ITGA9: variants seen among roughly 807,000 people sequenced by gnomAD.
The protein encoded by ITGA9 is integrin subunit alpha 9.
A neutral mutation model predicts 127.8 loss-of-function variants in ITGA9; 56 were observed. The observed-to-expected ratio is 0.44, with a 90% CI of 0.35 to 0.55. ITGA9 has a LOEUF of 0.55. Among genes scored for constraint, ITGA9 ranks in the 20% least tolerant of loss-of-function variants. The pLI is 0.00. For synonymous variants in ITGA9, 508 were observed against 514.5 expected (o/e 0.99, Z 0.17); for missense variants, 1,196 against 1,347.1 (o/e 0.89, Z 1.76).
intron 20 of ITGA9, 125 bp downstream of exon 20, chr3:37,737,108 T>C (rs1575214263): frequency 2.7e-6 from 2 of 754,402 alleles, no homozygotes; most frequent in East Asian, 2.6e-5. Flanking sequence ...TACTCAGTGA[T>C]AAAGCCTTGA....
intron 7 of ITGA9, among the ~76,000 whole-genome samples, chr3:37,506,625 C>G (rs139393936): frequency 6.6e-6 from 1 of 152,250 alleles, no homozygotes; most frequent in East Asian, 1.9e-4. Flanking sequence ...TAGTATCTGC[C>G]AAAAAACCCA....
intron 4 of ITGA9, among the ~76,000 whole-genome samples, chr3:37,490,976 T>TC (rs1698666221): frequency 2.5e-5 from 1 of 39,364 alleles, no homozygotes; most frequent in Non-Finnish European, 5.5e-5. Flanking sequence ...TCCCCCCCGC[T>TC]TTTTTTTTTT....
chr3:37,603,478 C>G (rs1232446778), intron 15 of ITGA9, among the ~76,000 whole-genome samples: 5 of 152,236 alleles, frequency 3.3e-5, no homozygotes, highest in Non-Finnish European at 7.4e-5. Flanking sequence ...GGTCCTGGAA[C>G]CAGTTCCCCA....
At chr3:37,683,100 C>A (rs1700748924) in intron 17 of ITGA9, among the ~76,000 whole-genome samples, 1 of 152,222 alleles carries the variant, frequency 6.6e-6, no homozygotes, top group Admixed American at 6.5e-5. Flanking sequence ...CCTGTGGGAT[C>A]TGCTGCCCCA....
At chr3:37,496,792 C>T (rs1269379149) in intron 5 of ITGA9, among the ~76,000 whole-genome samples, 5 of 152,172 alleles carry the variant, frequency 3.3e-5, no homozygotes, top group Admixed American at 6.5e-5. Flanking sequence ...TAGGACATGC[C>T]GGACTCCCAC....
intron 15 of ITGA9, among the ~76,000 whole-genome samples, chr3:37,558,460 C>T (rs1426291890): frequency 1.3e-5 from 2 of 152,134 alleles, no homozygotes; most frequent in African/African-American, 4.8e-5. Flanking sequence ...CCCTCCCACC[C>T]CTTGCTTCTC....
chr3:37,511,079 G>A (rs533934579), intron 8 of ITGA9, among the ~76,000 whole-genome samples: 45 of 152,214 alleles, frequency 3.0e-4, no homozygotes, highest in Admixed American at 7.8e-4. Flanking sequence ...AGACAGGAGG[G>A]TTCTAACTCA....
In ITGA9 at chr3:37,822,300, T is replaced by C. The variant is rs1348525831; in HGVS notation, c.*3311T>C. On this transcript the variant is annotated 3_prime_UTR_variant, in exon 28 of 28. Coordinates refer to ENST00000264741, the MANE Select transcript of ITGA9 (RefSeq NM_002207.3). ...AAAAAGGACCTTTGTAAAAATGGAG[T>C]AAAACAGTGCCCCTTTTTTAAAAAA... The C allele has an allele frequency of 6.6e-6, 1 of 150,770 alleles. No individual in the cohort carries two copies. Among genetic ancestry groups the C allele is most frequent in the African/African-American group, 2.4e-5 (1 of 41,308 alleles). The allele number at this position is 150,770 out of a possible 1,614,324, so 9.3% of individuals were successfully genotyped here. A position where few individuals can be genotyped will look rare whatever the true frequency, so the allele number is the denominator to read the frequency against.
intron 15 of ITGA9, among the ~76,000 whole-genome samples, chr3:37,603,441 T>C (rs1311917028): frequency 6.6e-6 from 1 of 152,198 alleles, no homozygotes; most frequent in African/African-American, 2.4e-5. Context: ...CAAGGACTTG[T>C]GTGTTCTTGG....
intron 27 of ITGA9, among the ~76,000 whole-genome samples, chr3:37,805,030 C>A (rs1697279556): frequency 6.6e-6 from 1 of 151,550 alleles, no homozygotes; most frequent in South Asian, 2.1e-4. Flanking sequence ...AGCATATTTT[C>A]AGGTGAAGTA....
chr3:37,789,583 C>A (rs1427558403), intron 26 of ITGA9, among the ~76,000 whole-genome samples: 1 of 148,734 alleles, frequency 6.7e-6, no homozygotes, highest in East Asian at 2.0e-4. Flanking sequence ...CGTGGTGTAA[C>A]CCTGTCTCTA....
chr3:37,765,973 T>A (rs1338235362), intron 23 of ITGA9, among the ~76,000 whole-genome samples: 2 of 152,240 alleles, frequency 1.3e-5, no homozygotes, highest in Non-Finnish European at 2.9e-5. Context: ...TTTTCTGGTC[T>A]GCTACATGAA....
At chr3:37,487,823 GA>G (rs1447921611) in intron 4 of ITGA9, among the ~76,000 whole-genome samples, 1 of 151,710 alleles carries the variant, frequency 6.6e-6, no homozygotes, top group Non-Finnish European at 1.5e-5. Flanking sequence ...GCCTATCACA[GA>G]AAAAAAAGTC....
intron 24 of ITGA9, among the ~76,000 whole-genome samples, chr3:37,779,679 T>C: frequency 6.6e-6 from 1 of 152,318 alleles, no homozygotes; most frequent in South Asian, 2.1e-4. Context: ...TGAGCTGTTT[T>C]CTCCCAGTTG....
chr3:37,761,724 C>T (rs1696725351), intron 23 of ITGA9, among the ~76,000 whole-genome samples: 1 of 152,150 alleles, frequency 6.6e-6, no homozygotes, highest in Non-Finnish European at 1.5e-5. Context: ...AATAGGAGTT[C>T]AGCAGGACTT....
chr3:37,512,626 A>G (rs187274767), intron 8 of ITGA9, among the ~76,000 whole-genome samples: 2 of 152,280 alleles, frequency 1.3e-5, no homozygotes, highest in Admixed American at 1.3e-4. Context: ...GTTTTTACAC[A>G]CGAAGAAGTT....
At position 37,603,809 on chromosome 3, in the gene ITGA9, C is replaced by T. The variant is rs371222443; in HGVS notation, c.1690-25378C>T. ...GCTCAGAAAGGTTCAATTCCTCACC[C>T]AAAGGTTTCCAACCCAAGGTTTCTG... On this transcript the variant is annotated intron_variant, in intron 15 of 27. Coordinates refer to ENST00000264741, the MANE Select transcript of ITGA9 (RefSeq NM_002207.3). Among the ~76,000 whole-genome samples the T allele has an allele frequency of 3.3e-5, 5 of 152,324 alleles. No homozygotes were observed. The East Asian group carries it at 7.7e-4, about 23-fold the overall frequency.
chr3:37,787,682 G>A (rs1031578918), intron 26 of ITGA9, among the ~76,000 whole-genome samples: 2 of 152,062 alleles, frequency 1.3e-5, no homozygotes, highest in Non-Finnish European at 2.9e-5. Context: ...GAACAAACAC[G>A]ATCTTCCCTG....
intron 18 of ITGA9, among the ~76,000 whole-genome samples, chr3:37,698,358 A>G (rs1406140707): frequency 6.6e-6 from 1 of 152,136 alleles, no homozygotes; most frequent in Non-Finnish European, 1.5e-5. Context: ...CCATTTGTCA[A>G]TTTTGGCTTT....
Sources: gnomAD v4.1 joint callset for allele counts (sites outside exome capture counted in the v4.1 genomes callset) on GRCh38, gnomAD v4.1.1 for gene constraint, MANE v1.5 for transcripts, NCBI Gene and HGNC (gene_info 2026-07-23, HGNC 2026-07-21) for gene names.